Variants in COL22A1 observed in about 807,000 individuals in gnomAD.
The protein encoded by COL22A1 is collagen type XXII alpha 1 chain, also known as collagen alpha-1(XXII) chain.
Under a neutral mutation model 248.9 loss-of-function variants are expected in COL22A1, and 221 were observed. That is an observed-to-expected ratio of 0.89 (90% confidence interval 0.80 to 0.99). The LOEUF (loss-of-function observed/expected upper bound fraction) is 0.99, where lower values mean the gene tolerates loss of function less well. COL22A1 is among the 50% of genes least tolerant of loss of function. The probability of loss-of-function intolerance (pLI) is 0.00; values close to 1 mark genes in which losing one functional copy is unlikely to be tolerated. For missense variants in COL22A1, 2,240 were observed against 2,179.0 expected (o/e 1.03, Z -0.56); for synonymous variants, 891 against 793.4 (o/e 1.12, Z -2.07).
chr8:138,663,819 G>A, intron 41 of COL22A1, 79 bp from the exon 42 acceptor site: 1 of 1,131,148 alleles, frequency 8.8e-7, no homozygotes, highest in Non-Finnish European at 1.3e-6. Flanking sequence ...TTATTCCATA[G>A]ACAGGTCCTC....
intron 32 of COL22A1, among the ~76,000 whole-genome samples, chr8:138,699,505 G>C (rs369284324): frequency 1.3e-5 from 2 of 152,204 alleles, no homozygotes; most frequent in African/African-American, 4.8e-5. Flanking sequence ...AAGAGATCCT[G>C]AAAACACCTA....
intron 44 of COL22A1, among the ~76,000 whole-genome samples, chr8:138,658,254 T>C (rs936434395): frequency 5.3e-5 from 8 of 152,200 alleles, no homozygotes; most frequent in African/African-American, 1.9e-4. Context: ...TCCAAAGAAA[T>C]GTCCAGGCTG....
intron 7 of COL22A1, among the ~76,000 whole-genome samples, chr8:138,818,071 T>C (rs1302399142): frequency 6.6e-6 from 1 of 152,206 alleles, no homozygotes; most frequent in African/African-American, 2.4e-5. Flanking sequence ...TGTTGGATGT[T>C]TGGAACCAGG....
chr8:138,593,382 A>AT (rs1229377692), intron 63 of COL22A1, among the ~76,000 whole-genome samples: 79 of 150,696 alleles, frequency 5.2e-4, no homozygotes, highest in African/African-American at 1.3e-3. Flanking sequence ...CTTGAAGTAA[A>AT]TTTTTTTTTT....
intron 4 of COL22A1, among the ~76,000 whole-genome samples, chr8:138,836,883 T>C (rs2131837425): frequency 6.6e-6 from 1 of 152,304 alleles, no homozygotes; most frequent in African/African-American, 2.4e-5. Context: ...ACAGCCGCTG[T>C]TCCTACTCAA....
At position 138,634,410 on chromosome 8, in the gene COL22A1, A is replaced by G. The variant is rs76721761; in HGVS notation, c.3609+600T>C. 5.1e-3 allele frequency among the ~76,000 whole-genome samples: 776 copies of G among 152,212 alleles called. 16 individuals carry two copies. Among genetic ancestry groups the G allele is most frequent in the Admixed American group, 0.029 (436 of 15,294 alleles). On this transcript the variant is annotated intron_variant, in intron 49 of 64. Transcript: ENST00000303045. ...GGGCTTGGCAGGAACACTAATTTCC[A>G]GTGCCTGTTGCCATGGCTACCCATG...
At chr8:138,789,413 T>G (rs1226969130) in intron 12 of COL22A1, among the ~76,000 whole-genome samples, 1 of 152,206 alleles carries the variant, frequency 6.6e-6, no homozygotes, top group African/African-American at 2.4e-5. Context: ...TGCACATTAA[T>G]GCACAGGCTA....
chr8:138,625,779 T>C (rs1015727392), intron 51 of COL22A1, among the ~76,000 whole-genome samples: 3 of 152,208 alleles, frequency 2.0e-5, no homozygotes, highest in Admixed American at 6.5e-5. Flanking sequence ...AAATGTAAAG[T>C]TTATGAACAT....
intron 1 of COL22A1, among the ~76,000 whole-genome samples, chr8:138,894,023 T>C (rs1291512791): frequency 6.6e-6 from 1 of 152,146 alleles, no homozygotes; most frequent in African/African-American, 2.4e-5. Context: ...TCCCATTTAT[T>C]ATTACTCATA....
At chr8:138,780,852 G>A in intron 13 of COL22A1, 75 bp downstream of exon 13, 2 of 1,270,476 alleles carry the variant, frequency 1.6e-6, no homozygotes, top group Non-Finnish European at 2.3e-6. Flanking sequence ...CCCCACTTAA[G>A]GACACGGGGT....
chr8:138,884,806 C>G (rs1454763514), intron 1 of COL22A1, among the ~76,000 whole-genome samples: 1 of 152,172 alleles, frequency 6.6e-6, no homozygotes, highest in East Asian at 1.9e-4. Flanking sequence ...GTGTATGTTT[C>G]TGTTTCTGAT....
intron 4 of COL22A1, among the ~76,000 whole-genome samples, chr8:138,833,971 C>T (rs992689857): frequency 3.9e-5 from 6 of 152,150 alleles, no homozygotes; most frequent in African/African-American, 7.2e-5. Flanking sequence ...ATGTGTCACT[C>T]GGCATATGGT....
chr8:138,722,113 A>T, intron 25 of COL22A1, 24 bp from the exon 26 acceptor site: 1 of 1,554,332 alleles, frequency 6.4e-7, no homozygotes, highest in Admixed American at 2.0e-5. Context: ...GGAAAACATA[A>T]ATAAAAAGGA....
At chr8:138,772,584 G>A (rs147491116) in intron 16 of COL22A1, among the ~76,000 whole-genome samples, 308 of 152,310 alleles carry the variant, frequency 2.0e-3, no homozygotes, top group Admixed American at 3.3e-3. Flanking sequence ...ATACAGGAAC[G>A]GATGCGTCCA....
At chr8:138,714,718 C>G (rs768712776) in intron 30 of COL22A1, among the ~76,000 whole-genome samples, 1 of 152,166 alleles carries the variant, frequency 6.6e-6, no homozygotes, top group Non-Finnish European at 1.5e-5. Flanking sequence ...GCCTGGAAGA[C>G]AATGCCAACG....
intron 4 of COL22A1, among the ~76,000 whole-genome samples, chr8:138,833,374 A>G (rs1820195557): frequency 6.6e-6 from 1 of 152,252 alleles, no homozygotes; most frequent in Admixed American, 6.5e-5. Flanking sequence ...AGGAGAACAC[A>G]GACAACTGGC....
In COL22A1 at chr8:138,828,990, G is replaced by A. The variant is rs546158925; in HGVS notation, c.846-2209C>T. On this transcript the variant is annotated intron_variant, in intron 5 of 64. Transcript: ENST00000303045. ...GTACATGATATTGACTTCCCTGCTG[G>A]AGGAGGTGGACCCTGCCTGGCCAGA... Among the ~76,000 whole-genome samples, 194 of 152,342 alleles carry A rather than the reference G, an allele frequency of 1.3e-3. No homozygotes were observed. The Middle Eastern group carries it at 0.017, about 13-fold the overall frequency.
chr8:138,765,832 C>T (rs1833874369), intron 16 of COL22A1, among the ~76,000 whole-genome samples: 1 of 152,204 alleles, frequency 6.6e-6, no homozygotes, highest in Non-Finnish European at 1.5e-5. Context: ...GAGCCGGCTG[C>T]ACAGCTGTGT....
intron 22 of COL22A1, among the ~76,000 whole-genome samples, chr8:138,740,444 A>C (rs1831464135): frequency 6.6e-6 from 1 of 152,134 alleles, no homozygotes; most frequent in African/African-American, 2.4e-5. Flanking sequence ...CCATTTGGGG[A>C]TGCAGCAAGG....
Sources: gnomAD v4.1 joint callset for allele counts (sites outside exome capture counted in the v4.1 genomes callset) on GRCh38, gnomAD v4.1.1 for gene constraint, MANE v1.5 for transcripts, NCBI Gene and HGNC (gene_info 2026-07-23, HGNC 2026-07-21) for gene names.